Variants in EML1 observed in about 807,000 individuals in gnomAD.
EML1 encodes EMAP like 1.
Under a neutral mutation model 110.4 loss-of-function variants are expected in EML1, and 27 were observed. The observed-to-expected ratio is 0.24, with a 90% CI of 0.18 to 0.34. The LOEUF (loss-of-function observed/expected upper bound fraction) is 0.34, where lower values mean the gene tolerates loss of function less well. Ranked by LOEUF, EML1 falls within the 10% of genes least tolerant of loss-of-function variation. The pLI is 1.00. For synonymous variants in EML1, 344 were observed against 385.8 expected, an observed-to-expected ratio of 0.89 and a Z score of 1.27; for missense variants, 741 against 1,030.9, an observed-to-expected ratio of 0.72 and a Z score of 3.85.
At chr14:99,796,305 C>T (rs911114836) in intron 1 of EML1, among the ~76,000 whole-genome samples, 3 of 149,958 alleles carry the variant, frequency 2.0e-5, no homozygotes, top group African/African-American at 7.4e-5. Flanking sequence ...TTCTCTTATA[C>T]TTCTTTCTTG....
In EML1 at chr14:99,757,287, G is replaced by A. The variant is rs553249052; in HGVS notation, c.28+19427G>A. 9.7e-4 allele frequency among the ~76,000 whole-genome samples: 146 copies of A among 150,390 alleles called. 1 individual carries two copies. The highest frequency in any genetic ancestry group is 3.4e-3 in the Middle Eastern group (1 of 292). On this transcript the variant is annotated intron_variant, in intron 1 of 10. Coordinates refer to the EML1 transcript ENST00000554479. ...CCGGGAGGTGGAGGTTGCAGTGAGCGAAGATCGCGCCATTGCACTCCAGCC... is the reference window on the plus strand; with the variant it reads ...CCGGGAGGTGGAGGTTGCAGTGAGCAAAGATCGCGCCATTGCACTCCAGCC...
At chr14:99,792,303 G>C (rs1159391602), upstream of EML1, among the ~76,000 whole-genome samples, 4 of 152,162 alleles carry the variant, frequency 2.6e-5, no homozygotes, top group Non-Finnish European at 5.9e-5. Context: ...TTCAGATTTT[G>C]GCATGGAACT....
At chr14:99,933,841 C>G (rs2060417952) in intron 17 of EML1, among the ~76,000 whole-genome samples, 1 of 152,214 alleles carries the variant, frequency 6.6e-6, no homozygotes, top group African/African-American at 2.4e-5. Context: ...CGCCTGTAAT[C>G]CCAGCACTTC....
intron 1 of EML1, among the ~76,000 whole-genome samples, chr14:99,767,525 C>T: frequency 6.6e-6 from 1 of 152,104 alleles, no homozygotes; most frequent in Non-Finnish European, 1.5e-5. Flanking sequence ...TCGCTTGAAC[C>T]CAGGAAGCGG....
At chr14:99,801,613 T>C (rs2057882767) in intron 1 of EML1, among the ~76,000 whole-genome samples, 1 of 141,732 alleles carries the variant, frequency 7.1e-6, no homozygotes, top group Non-Finnish European at 1.5e-5. Context: ...AGACTCCGTC[T>C]CAAAAAAAAA....
intron 1 of EML1, among the ~76,000 whole-genome samples, chr14:99,756,204 T>A (rs1227609483): frequency 6.6e-6 from 1 of 152,118 alleles, no homozygotes; most frequent in Non-Finnish European, 1.5e-5. Flanking sequence ...CGACTGCAGG[T>A]GGCACATCTG....
intron 17 of EML1, among the ~76,000 whole-genome samples, chr14:99,922,787 C>A (rs1244210003): frequency 2.0e-5 from 3 of 152,090 alleles, no homozygotes; most frequent in Admixed American, 6.5e-5. Context: ...CCAATATCTT[C>A]TTTGGTGAAA....
At chr14:99,767,898 A>G (rs2140197124) in intron 1 of EML1, among the ~76,000 whole-genome samples, 1 of 151,412 alleles carries the variant, frequency 6.6e-6, no homozygotes, top group South Asian at 2.1e-4. Context: ...ACTTTGTCTT[A>G]TATTTATTCT....
chr14:99,899,632 T>C (rs531554748), intron 8 of EML1, among the ~76,000 whole-genome samples: 277 of 152,236 alleles, frequency 1.8e-3, no homozygotes, highest in Non-Finnish European at 3.3e-3. Context: ...TAATATTTTA[T>C]ACTTGAAAAG....
chr14:99,757,951 G>A (rs1052392413), intron 1 of EML1, among the ~76,000 whole-genome samples: 5 of 152,200 alleles, frequency 3.3e-5, no homozygotes, highest in African/African-American at 1.2e-4. Context: ...CTGTGTTCAG[G>A]GATGAGCACA....
intron 4 of EML1, among the ~76,000 whole-genome samples, chr14:99,886,832 C>T (rs2059484411): frequency 2.0e-5 from 3 of 152,246 alleles, no homozygotes; most frequent in South Asian, 4.1e-4. Flanking sequence ...AGCCTGGACA[C>T]GTCGTCCACT....
intron 1 of EML1, chr14:99,809,375 C>A: frequency 5.8e-6 from 1 of 173,256 alleles, no homozygotes. Flanking sequence ...TCCCTCAAAG[C>A]ACAATCTGCT....
chr14:99,804,183 A>G (rs1216338634), intron 1 of EML1, among the ~76,000 whole-genome samples: 1 of 152,218 alleles, frequency 6.6e-6, no homozygotes, highest in Non-Finnish European at 1.5e-5. Context: ...TAATTTAATT[A>G]TATAAAAATA....
Position 99,781,972 on chromosome 14 carries a change from ACAAATACTTTC to A in EML1, c.-27+7966_-27+7976del, listed in dbSNP as rs1372670170. ...TGTCTGTCGGTCCCAAACCCAAGCA[ACAAATACTTTC>A]CAAATATGCCTTGCAGGGCAAGCAC... is the stretch of plus-strand genomic sequence containing the variant. On this transcript the variant is annotated intron_variant, in intron 1 of 22. Transcript: ENST00000327921. The surrounding 1 kb of genome is among the most constrained non-coding windows in gnomAD (Gnocchi z 4.2). Among the ~76,000 whole-genome samples the A allele has an allele frequency of 3.3e-5, 5 of 152,298 alleles. No individual in the cohort carries two copies. Among genetic ancestry groups the A allele is most frequent in the Non-Finnish European group, 4.4e-5 (3 of 68,026 alleles).
intron 1 of EML1, among the ~76,000 whole-genome samples, chr14:99,740,739 G>A (rs1484606565): frequency 6.6e-6 from 1 of 152,160 alleles, no homozygotes; most frequent in East Asian, 1.9e-4. Flanking sequence ...ACCTTTCTAA[G>A]CCTCAGTTTC....
At chr14:99,748,335 C>G (rs1170862864) in intron 1 of EML1, among the ~76,000 whole-genome samples, 1 of 152,152 alleles carries the variant, frequency 6.6e-6, no homozygotes, top group African/African-American at 2.4e-5. Context: ...CACGTTTCTC[C>G]CCGGTTTCTG....
intron 17 of EML1, among the ~76,000 whole-genome samples, chr14:99,932,624 G>A (rs976886840): frequency 7.0e-6 from 1 of 141,868 alleles, no homozygotes; most frequent in Non-Finnish European, 1.5e-5. Flanking sequence ...TCCAGCCTGG[G>A]CAACAGAGCA....
chr14:99,777,653 C>A (rs934206924), intron 1 of EML1, among the ~76,000 whole-genome samples: 2 of 152,210 alleles, frequency 1.3e-5, no homozygotes, highest in Non-Finnish European at 2.9e-5. Flanking sequence ...CTCCTGACCT[C>A]AAGCAATCCG....
intron 1 of EML1, among the ~76,000 whole-genome samples, chr14:99,830,208 T>C (rs1222701576): frequency 2.0e-5 from 3 of 152,218 alleles, no homozygotes; most frequent in African/African-American, 7.2e-5. Context: ...AAGGAGTAGC[T>C]CATTATGGCT....
Sources: gnomAD v4.1 joint callset for allele counts (sites outside exome capture counted in the v4.1 genomes callset) on GRCh38, gnomAD v4.1.1 for gene constraint, Gnocchi (gnomAD v3.1) non-coding constraint, MANE v1.5 for transcripts, NCBI Gene and HGNC (gene_info 2026-07-23, HGNC 2026-07-21) for gene names.